Variants in HNRNPC observed in about 807,000 individuals in gnomAD.
HNRNPC encodes the protein heterogeneous nuclear ribonucleoprotein C, also known as heterogeneous nuclear ribonucleoproteins C1/C2.
HNRNPC carries 3 observed loss-of-function variants against 33.2 expected under a neutral mutation model. The observed-to-expected ratio is 0.09, with a 90% CI of 0.04 to 0.23. The LOEUF is 0.23. HNRNPC is among the 10% of genes least tolerant of loss of function. The pLI is 1.00. For synonymous variants in HNRNPC, 121 were observed against 126.7 expected, an observed-to-expected ratio of 0.96 and a Z score of 0.30; for missense variants, 143 against 366.7, an observed-to-expected ratio of 0.39 and a Z score of 4.98.
chr14:21,227,707 T>A (rs1893633651), intron 5 of HNRNPC, among the ~76,000 whole-genome samples: 1 of 152,162 alleles, frequency 6.6e-6, no homozygotes, highest in Non-Finnish European at 1.5e-5. Context: ...TTTTCCAAAT[T>A]CCCTGCTCAA....
intron 2 of HNRNPC, among the ~76,000 whole-genome samples, chr14:21,244,665 G>C (rs1895752923): frequency 6.6e-6 from 1 of 152,208 alleles, no homozygotes; most frequent in African/African-American, 2.4e-5. Flanking sequence ...CATGAGAATT[G>C]TATCGTTATG....
At chr14:21,218,704 A>AAAAAAAAAAAAAC (rs1225752731) in intron 5 of HNRNPC, among the ~76,000 whole-genome samples, 4 of 136,874 alleles carry the variant, frequency 2.9e-5, no homozygotes, top group African/African-American at 8.3e-5. Flanking sequence ...AAAAAAAAAA[A>AAAAAAAAAAAAAC]AAAACTGAAA....
chr14:21,246,851 A>AG (rs1896032084), intron 2 of HNRNPC, among the ~76,000 whole-genome samples: 1 of 152,096 alleles, frequency 6.6e-6, no homozygotes, highest in Non-Finnish European at 1.5e-5. Flanking sequence ...AGGACAATGA[A>AG]GAAGACATTT....
At chr14:21,251,612 G>T (rs1230151735) in intron 2 of HNRNPC, among the ~76,000 whole-genome samples, 1 of 151,992 alleles carries the variant, frequency 6.6e-6, no homozygotes, top group East Asian at 1.9e-4. Context: ...AACCCGGGAA[G>T]TGGAGGTTGC....
At chr14:21,254,321 A>T (rs984228678) in intron 2 of HNRNPC, among the ~76,000 whole-genome samples, 26 of 152,280 alleles carry the variant, frequency 1.7e-4, no homozygotes, top group African/African-American at 5.8e-4. Context: ...TAACTACTAC[A>T]AATTTTTCAG....
At chr14:21,218,181 A>G (rs4982430) in intron 5 of HNRNPC, among the ~76,000 whole-genome samples, 140,745 of 152,162 alleles carry the variant, frequency 0.92, 65,142 homozygotes, top group East Asian at 1. Context: ...CAGGCTGGTC[A>G]TGAGCTCCTG....
At chr14:21,248,349 CATGTGTTTCAAG>C (rs1566632348) in intron 2 of HNRNPC, among the ~76,000 whole-genome samples, 1 of 152,190 alleles carries the variant, frequency 6.6e-6, no homozygotes, top group East Asian at 1.9e-4. Context: ...AGCCTAGACA[CATGTGTTTCAAG>C]ATCAACAACT....
intron 5 of HNRNPC, among the ~76,000 whole-genome samples, chr14:21,221,036 G>C (rs1244714845): frequency 6.6e-6 from 1 of 152,114 alleles, no homozygotes; most frequent in African/African-American, 2.4e-5. Flanking sequence ...GCAGTGAGCT[G>C]AGATCGTGCC....
chr14:21,221,151 G>A (rs1490901529), intron 5 of HNRNPC, among the ~76,000 whole-genome samples: 2 of 152,184 alleles, frequency 1.3e-5, no homozygotes, highest in Non-Finnish European at 2.9e-5. Context: ...ATTTGGAGGT[G>A]AAATCATATG....
intron 2 of HNRNPC, chr14:21,254,508 T>C (rs2138955117): frequency 6.6e-6 from 1 of 152,350 alleles, no homozygotes; most frequent in East Asian, 1.9e-4. Context: ...GAGCATGTAT[T>C]ACTTTATTCG....
At chr14:21,253,286 C>T (rs1896866124) in intron 2 of HNRNPC, among the ~76,000 whole-genome samples, 1 of 150,118 alleles carries the variant, frequency 6.7e-6, no homozygotes, top group South Asian at 2.1e-4. Context: ...ACCATTATGG[C>T]CAATATGGTG....
chr14:21,225,597 T>C (rs751445453), intron 5 of HNRNPC, among the ~76,000 whole-genome samples: 2 of 152,090 alleles, frequency 1.3e-5, no homozygotes, highest in South Asian at 2.1e-4. Flanking sequence ...TTGAGGCTGG[T>C]AGCACCAGAC....
At chr14:21,239,519 ATT>A (rs1283002540) in intron 2 of HNRNPC, among the ~76,000 whole-genome samples, 1 of 151,980 alleles carries the variant, frequency 6.6e-6, no homozygotes, top group Non-Finnish European at 1.5e-5. Flanking sequence ...CTTAGGTGCT[ATT>A]TCTTTCTTAA....
At chr14:21,262,582 T>G (rs1331067418) in intron 2 of HNRNPC, 1 of 152,254 alleles carries the variant, frequency 6.6e-6, no homozygotes, top group Non-Finnish European at 1.5e-5. Flanking sequence ...TGAATCCAAG[T>G]GGACCTCACA....
At chr14:21,223,124 T>G (rs1332648631) in intron 5 of HNRNPC, among the ~76,000 whole-genome samples, 1 of 151,944 alleles carries the variant, frequency 6.6e-6, no homozygotes, top group African/African-American at 2.4e-5. Context: ...AAGAATCACT[T>G]GAAACCAGGA....
intron 1 of HNRNPC, 96 bp from the exon 2 acceptor site, chr14:21,263,432 A>T (rs1181100840): frequency 1.3e-5 from 2 of 152,362 alleles, no homozygotes; most frequent in African/African-American, 2.4e-5. Flanking sequence ...TCTTTCCAAA[A>T]GCAGTTTCCA....
chr14:21,247,451 A>G (rs1896108097), intron 2 of HNRNPC, among the ~76,000 whole-genome samples: 1 of 152,232 alleles, frequency 6.6e-6, no homozygotes, highest in Admixed American at 6.5e-5. Context: ...AATAATTAGT[A>G]AAGTCAATCT....
intron 1 of HNRNPC, chr14:21,265,502 A>G (rs1878825184): frequency 6.6e-6 from 1 of 152,186 alleles, no homozygotes; most frequent in Admixed American, 6.5e-5. Context: ...CTTTAGCACC[A>G]TTTTCAATCA....
rs1360068282 is a variant in HNRNPC at position 21,209,476 on chromosome 14, G to C, written c.*1747C>G. The C allele has an allele frequency of 5.3e-5, 8 of 152,268 alleles. No homozygotes were observed. The highest frequency in any genetic ancestry group is 3.4e-3 in the Middle Eastern group (1 of 294). The allele number at this position is 152,268 out of a possible 1,614,324, so 9.4% of individuals were successfully genotyped here. A position where few individuals can be genotyped will look rare whatever the true frequency, so the allele number is the denominator to read the frequency against. On this transcript the variant is annotated 3_prime_UTR_variant, in exon 9 of 9. Coordinates refer to ENST00000553300, the MANE Select transcript of HNRNPC (RefSeq NM_004500.4). Reference sequence around the variant, plus strand: ...TCTAGTCACGGGTTACTTACTAAAAGTCTGTGTAACATGAGCTCACATCAG... The same window carrying C: ...TCTAGTCACGGGTTACTTACTAAAACTCTGTGTAACATGAGCTCACATCAG...
Sources: allele counts gnomAD v4.1 joint callset (sites outside exome capture counted in the v4.1 genomes callset), GRCh38; gene constraint gnomAD v4.1.1; transcripts MANE v1.5; gene names NCBI Gene and HGNC (gene_info 2026-07-23, HGNC 2026-07-21).